The following SMO variants were observed in gnomAD, a reference collection of about 807,000 sequenced individuals.
SMO encodes smoothened, frizzled class receptor.
SMO carries 40 observed loss-of-function variants against 81.6 expected under a neutral mutation model. The ratio of observed to expected loss-of-function variants is 0.49; its 90% CI spans 0.38 to 0.64. The LOEUF (loss-of-function observed/expected upper bound fraction) is 0.64. SMO is among the 30% of genes least tolerant of loss of function. The pLI is 0.00. For synonymous variants in SMO, 434 were observed against 432.1 expected, an observed-to-expected ratio of 1.00 and a Z score of -0.05; for missense variants, 916 against 1,061.1, an observed-to-expected ratio of 0.86 and a Z score of 1.90.
In SMO at chr7:129,211,354, C is replaced by T. The variant is rs1397166957; in HGVS notation, c.1801+241C>T. Reference sequence around the variant, plus strand: ...GTGCTTGGGTTCCAAGAAGACTCCCCTCCCTCTCCCTTCTCATAAATTCTC... The same window carrying T: ...GTGCTTGGGTTCCAAGAAGACTCCCTTCCCTCTCCCTTCTCATAAATTCTC... On this transcript the variant is annotated intron_variant, in intron 10 of 11. Transcript: ENST00000249373. This position sits in a 1 kb window ranked among gnomAD's most constrained non-coding sequence, Gnocchi z 4.6. 3 of 708,054 alleles carry T rather than the reference C, an allele frequency of 4.2e-6. No homozygotes were observed. Among genetic ancestry groups the T allele is most frequent in the African/African-American group, 3.5e-5 (2 of 57,366 alleles). The allele number at this position is 708,054 out of a possible 1,614,324, so 43.9% of individuals were successfully genotyped here. A position where few individuals can be genotyped will look rare whatever the true frequency, so the allele number is the denominator to read the frequency against.
chr7:129,200,396 G>T (rs1370012641), intron 1 of SMO, among the ~76,000 whole-genome samples: 1 of 152,106 alleles, frequency 6.6e-6, no homozygotes, highest in Non-Finnish European at 1.5e-5. Context: ...ACTCCAGCCT[G>T]GGCGACAGAG....
intron 1 of SMO, among the ~76,000 whole-genome samples, chr7:129,200,014 C>T (rs1382893969): frequency 6.6e-6 from 1 of 152,158 alleles, no homozygotes; most frequent in Non-Finnish European, 1.5e-5. Flanking sequence ...CAGTATCTTA[C>T]TTTTCTTATG....
chr7:129,198,723 A>G (rs1233494973), intron 1 of SMO, among the ~76,000 whole-genome samples: 2 of 152,240 alleles, frequency 1.3e-5, no homozygotes, highest in East Asian at 3.8e-4. Flanking sequence ...AACATGCTGT[A>G]CAGGTTTGCA....
At chr7:129,197,048 T>A (rs1381536186) in intron 1 of SMO, among the ~76,000 whole-genome samples, 1 of 151,212 alleles carries the variant, frequency 6.6e-6, no homozygotes, top group Non-Finnish European at 1.5e-5. Flanking sequence ...ATAAAATTGA[T>A]GCCTTTAACA....
chr7:129,206,691 A>G lies in SMO; in HGVS notation c.1264+104A>G, dbSNP rs2150651097. ...ACGGCTGCCCCCATGCTGAAACCCC[A>G]GCTAGCTCCTATAGGGCCTTCACAC... is the stretch of plus-strand genomic sequence containing the variant. On this transcript the variant is annotated intron_variant, in intron 6 of 11. Coordinates refer to ENST00000249373, the MANE Select transcript of SMO (RefSeq NM_005631.5). The surrounding 1 kb of genome is among the most constrained non-coding windows in gnomAD (Gnocchi z 4.4). 1.6e-6 allele frequency: 2 copies of G among 1,261,504 alleles called. No homozygotes were observed. The highest frequency in any genetic ancestry group is 2.2e-6 in the Non-Finnish European group (2 of 903,758). 78.1% of individuals were successfully genotyped at this position (1,261,504 alleles called of 1,614,324 possible).
At chr7:129,203,950 G>C (rs4731563) in intron 2 of SMO, among the ~76,000 whole-genome samples, 5,850 of 152,026 alleles carry the variant, frequency 0.038, 303 homozygotes, top group East Asian at 0.21. Flanking sequence ...GACAGGGGAC[G>C]TGAGCTAGTT....
chr7:129,192,681 C>T (rs755212502), intron 1 of SMO, among the ~76,000 whole-genome samples: 1 of 152,220 alleles, frequency 6.6e-6, no homozygotes, highest in Non-Finnish European at 1.5e-5. Context: ...GATGTGGAGC[C>T]TCAGTGAGCA....
At chr7:129,193,902 C>T (rs6961938) in intron 1 of SMO, among the ~76,000 whole-genome samples, 13,721 of 136,456 alleles carry the variant, frequency 0.1, 735 homozygotes, top group African/African-American at 0.14. Flanking sequence ...GCCAGGAGTT[C>T]GAGACCAGCC....
Position 129,212,657 on chromosome 7 carries a change from G to A in SMO, c.*206G>A. 1.7e-6 allele frequency: 1 copy of A among 597,096 alleles called. No homozygotes were observed. The highest frequency in any genetic ancestry group is 2.9e-6 in the Non-Finnish European group (1 of 339,552). 37.0% of individuals were successfully genotyped at this position (597,096 alleles called of 1,614,324 possible). ...TCTCCATGGGGAGGCCTCACCCCAG[G>A]GACAGGGCCCTGGAGCTCAGGGTCC... On this transcript the variant is annotated 3_prime_UTR_variant, in exon 12 of 12. Coordinates refer to ENST00000249373, the MANE Select transcript of SMO (RefSeq NM_005631.5). This position sits in a 1 kb window ranked among gnomAD's most constrained non-coding sequence, Gnocchi z 5.0.
In SMO at chr7:129,189,480, C is replaced by T. The variant is rs945428238; in HGVS notation, c.329C>T (p.Ser110Leu). The T allele has an allele frequency of 6.5e-7, 1 of 1,536,244 alleles. No individual in the cohort carries two copies. Among genetic ancestry groups the T allele is most frequent in the Non-Finnish European group, 8.7e-7 (1 of 1,146,688 alleles). ...GCGCACGGCAAGCTCGTGCTCTGGT[C>T]GGGTAAGTGCGGCGGAGCCGGGTCT... Reference protein sequence around the residue: ...EEAHGKLVLWSGLRNAPRCWA... With the variant: ...EEAHGKLVLWLGLRNAPRCWA... The change falls in exon 1 of 12, where the codon TCG (serine) becomes TTG (leucine). Residue 110 changes from serine (S) to leucine (L), a missense_variant and splice_region_variant. By Grantham distance (145) the Ser-to-Leu change is moderately radical. This residue lies in a region of SMO where 10 missense variants were observed against 27.5 expected (regional missense o/e 0.36). Coordinates refer to ENST00000249373, the MANE Select transcript of SMO (RefSeq NM_005631.5). This position sits in a 1 kb window ranked among gnomAD's most constrained non-coding sequence, Gnocchi z 4.7.
rs1374043825 is a variant in SMO at position 129,208,814 on chromosome 7, G to A, written c.1320G>A (p.Lys440=). ...KSNHPGLLSE[K]AASKINETML... Reference sequence around the variant, plus strand: ...ACCACCCCGGGCTGCTGAGTGAGAAGGCTGCCAGCAAGATCAACGAGACCA... The same window carrying A: ...ACCACCCCGGGCTGCTGAGTGAGAAAGCTGCCAGCAAGATCAACGAGACCA... The change falls in exon 7 of 12, where the codon AAG becomes AAA. Residue 440 remains lysine, a synonymous_variant. Coordinates refer to ENST00000249373, the MANE Select transcript of SMO (RefSeq NM_005631.5). The surrounding 1 kb of genome is among the most constrained non-coding windows in gnomAD (Gnocchi z 5.2). The A allele has an allele frequency of 6.2e-7, 1 of 1,614,030 alleles. No individual in the cohort carries two copies. The highest frequency in any genetic ancestry group is 8.5e-7 in the Non-Finnish European group (1 of 1,179,940).
In SMO at chr7:129,188,725, C is replaced by T; in HGVS notation, c.-427C>T. On this transcript the variant is annotated 5_prime_UTR_variant, in exon 1 of 12. Coordinates refer to ENST00000249373, the MANE Select transcript of SMO (RefSeq NM_005631.5). The surrounding 1 kb of genome is among the most constrained non-coding windows in gnomAD (Gnocchi z 4.9). ...CTGCGGCGCGCTGGGGCGAAGGTGGCTGCTGGGCCGCGGGCTGGCGCGGGG... is the reference window on the plus strand; with the variant it reads ...CTGCGGCGCGCTGGGGCGAAGGTGGTTGCTGGGCCGCGGGCTGGCGCGGGG... 1 of 195,958 alleles carries T rather than the reference C, an allele frequency of 5.1e-6. No homozygotes were observed. The highest frequency in any genetic ancestry group is 1.1e-5 in the Non-Finnish European group (1 of 94,708). 12.1% of individuals were successfully genotyped at this position (195,958 alleles called of 1,614,324 possible).
In SMO at chr7:129,189,126, C is replaced by A; in HGVS notation, c.-26C>A. The A allele has an allele frequency of 8.3e-7, 1 of 1,201,984 alleles. No homozygotes were observed. The allele number at this position is 1,201,984 out of a possible 1,614,324, so 74.5% of individuals were successfully genotyped here. ...CGAGGAGCAGGCGGGGGCGCCGGGG[C>A]TTTTGCTGAGTTGGCGGGGTTGGCC... is the stretch of plus-strand genomic sequence containing the variant. On this transcript the variant is annotated 5_prime_UTR_variant, in exon 1 of 12. Transcript: ENST00000249373. This position sits in a 1 kb window ranked among gnomAD's most constrained non-coding sequence, Gnocchi z 4.7.
Position 129,210,824 on chromosome 7 carries a change from G to A in SMO, c.1653-141G>A. The A allele has an allele frequency of 2.4e-6, 2 of 842,582 alleles. No homozygotes were observed. The highest frequency in any genetic ancestry group is 5.7e-5 in the Admixed American group (2 of 34,840). 52.2% of individuals were successfully genotyped at this position (842,582 alleles called of 1,614,324 possible). The stretch of plus-strand genomic sequence containing the variant: ...CTGGCCCCACTTCTTTGCAGAGAAG[G>A]CCTCTACTCCTGAGTCCTTGAAGGA... On this transcript the variant is annotated intron_variant, in intron 9 of 11. Coordinates refer to ENST00000249373, the MANE Select transcript of SMO (RefSeq NM_005631.5). This position sits in a 1 kb window ranked among gnomAD's most constrained non-coding sequence, Gnocchi z 4.7.
rs1793866233 is a variant in SMO, at chr7:129,211,290, C to T, written c.1801+177C>T. On this transcript the variant is annotated intron_variant, in intron 10 of 11. Transcript: ENST00000249373. This position sits in a 1 kb window ranked among gnomAD's most constrained non-coding sequence, Gnocchi z 4.6. ...CCGGCCCCTCCTACCCTCTGGGGGG[C>T]TCTCCCCTCTCTGTTTCTGCCCCTG... 1 of 770,122 alleles carries T rather than the reference C, an allele frequency of 1.3e-6. No homozygotes were observed. Among genetic ancestry groups the T allele is most frequent in the Non-Finnish European group, 2.2e-6 (1 of 448,812 alleles). 47.7% of individuals were successfully genotyped at this position (770,122 alleles called of 1,614,324 possible).
At position 129,189,504 on chromosome 7, in the gene SMO, CT is replaced by C. The variant is rs771146270; in HGVS notation, c.331+23del. ...TCGGGTAAGTGCGGCGGAGCCGGGT[CT>C]GGGGGGCGGGAGGTGCCGCGGTAAG... is the stretch of plus-strand genomic sequence containing the variant. On this transcript the variant is annotated intron_variant, in intron 1 of 11. Transcript: ENST00000249373. This position sits in a 1 kb window ranked among gnomAD's most constrained non-coding sequence, Gnocchi z 4.7. 1.5e-4 allele frequency: 234 copies of C among 1,534,646 alleles called. 3 individuals carry two copies. In the Middle Eastern group the frequency reaches 4.9e-3, roughly 32 times the overall value.
At chr7:129,205,023 A>AGAAG (rs1793740408) in intron 2 of SMO, among the ~76,000 whole-genome samples, 180 bp from the exon 3 acceptor site, 1 of 151,348 alleles carries the variant, frequency 6.6e-6, no homozygotes, top group South Asian at 2.1e-4. Flanking sequence ...AAAAAAAGAA[A>AGAAG]GAAAGAAGTG....
chr7:129,189,060 C>A lies in SMO; in HGVS notation c.-92C>A. On this transcript the variant is annotated 5_prime_UTR_variant, in exon 1 of 12. Transcript: ENST00000249373. The surrounding 1 kb of genome is among the most constrained non-coding windows in gnomAD (Gnocchi z 4.7). The stretch of plus-strand genomic sequence containing the variant: ...CTGGGCGCACAGGTCGCCTGAGCCG[C>A]CTCCGCGGCCGCCGAGGTCGTGCGT... The A allele has an allele frequency of 8.7e-7, 1 of 1,153,666 alleles. No homozygotes were observed. The highest frequency in any genetic ancestry group is 1.1e-6 in the Non-Finnish European group (1 of 923,998). The allele number at this position is 1,153,666 out of a possible 1,614,324, so 71.5% of individuals were successfully genotyped here.
In SMO at chr7:129,206,529, C is replaced by T. The variant is rs1352966977; in HGVS notation, c.1206C>T (p.Gly402=). 6.2e-7 allele frequency: 1 copy of T among 1,614,194 alleles called. No homozygotes were observed. The highest frequency in any genetic ancestry group is 2.2e-5 in the East Asian group (1 of 44,878). ...VGYKNYRYRA[G]FVLAPIGLVL... ...ACAAGAACTACCGATACCGTGCGGG[C>T]TTCGTGCTGGCCCCAATCGGCCTGG... The change falls in exon 6 of 12, where the codon GGC becomes GGT. Residue 402 remains glycine, a synonymous_variant. Coordinates refer to ENST00000249373, the MANE Select transcript of SMO (RefSeq NM_005631.5). The surrounding 1 kb of genome is among the most constrained non-coding windows in gnomAD (Gnocchi z 4.4).
Sources: allele counts gnomAD v4.1 joint callset (sites outside exome capture counted in the v4.1 genomes callset), GRCh38; gene constraint gnomAD v4.1.1; regional missense constraint gnomAD v4.1.1; non-coding constraint Gnocchi (gnomAD v3.1); transcripts MANE v1.5; gene names NCBI Gene and HGNC (gene_info 2026-07-23, HGNC 2026-07-21).